Variants in ARFGEF1 observed in about 807,000 individuals in gnomAD.
ARFGEF1 encodes ARF guanine nucleotide exchange factor 1.
In ARFGEF1, 42 loss-of-function variants were observed where a neutral mutation model predicts 231.0. That is an observed-to-expected ratio of 0.18 (90% CI 0.14 to 0.24). ARFGEF1 has a LOEUF of 0.24. Ranked by LOEUF, ARFGEF1 falls within the 10% of genes least tolerant of loss-of-function variation. The pLI, the probability that ARFGEF1 is intolerant of heterozygous loss-of-function variation, is 1.00. For missense variants in ARFGEF1, 1,345 were observed against 2,192.0 expected, an observed-to-expected ratio of 0.61 and a Z score of 7.72; for synonymous variants, 710 against 732.3, an observed-to-expected ratio of 0.97 and a Z score of 0.49.
chr8:67,238,272 C>T, intron 22 of ARFGEF1, 71 bp downstream of exon 22: 1 of 1,390,356 alleles, frequency 7.2e-7, no homozygotes, highest in Non-Finnish European at 9.6e-7. Flanking sequence ...AATTATATTT[C>T]ATTACTACAA....
chr8:67,330,247 C>T (rs1808037790), intron 1 of ARFGEF1, among the ~76,000 whole-genome samples: 1 of 151,954 alleles, frequency 6.6e-6, no homozygotes. Context: ...TTAACTATTT[C>T]ATAAGGAAAA....
chr8:67,252,158 G>A (rs1008527641), intron 18 of ARFGEF1, among the ~76,000 whole-genome samples: 7 of 152,010 alleles, frequency 4.6e-5, no homozygotes, highest in Admixed American at 2.6e-4. Flanking sequence ...TGTAATCCCA[G>A]CTACTCGGGA....
intron 1 of ARFGEF1, among the ~76,000 whole-genome samples, chr8:67,310,567 G>A (rs1806960471): frequency 6.6e-6 from 1 of 151,986 alleles, no homozygotes; most frequent in Admixed American, 6.5e-5. Flanking sequence ...CATCGTCTGG[G>A]ATGTGAGGAG....
At chr8:67,257,863 A>G (rs1399764419) in intron 16 of ARFGEF1, 47 bp from the exon 17 acceptor site, 6 of 1,477,698 alleles carry the variant, frequency 4.1e-6, no homozygotes, top group Non-Finnish European at 5.6e-6. Flanking sequence ...TGTTTTATAT[A>G]GTTTCATTTA....
intron 1 of ARFGEF1, among the ~76,000 whole-genome samples, chr8:67,316,786 G>A (rs2128924857): frequency 6.6e-6 from 1 of 152,214 alleles, no homozygotes; most frequent in East Asian, 1.9e-4. Flanking sequence ...TAAGAATCTG[G>A]TTGGTCTTTG....
At position 67,218,187 on chromosome 8, in the gene ARFGEF1, T is replaced by C. The variant is rs201239105; in HGVS notation, c.4339-49A>G. ...ACATCACGCCATTAATCAACTACTA[T>C]GATTAAAAAAAAAAAAAAAAATATA... On this transcript the variant is annotated intron_variant, in intron 30 of 38. Coordinates refer to ENST00000262215, the MANE Select transcript of ARFGEF1 (RefSeq NM_006421.5). 145 of 626,056 alleles carry C rather than the reference T, an allele frequency of 2.3e-4. No individual in the cohort carries two copies. In the African/African-American group the frequency reaches 5.0e-3, roughly 22 times the overall value. The allele number at this position is 626,056 out of a possible 1,614,324, so 38.8% of individuals were successfully genotyped here. A position where few individuals can be genotyped will look rare whatever the true frequency, so the allele number is the denominator to read the frequency against.
At chr8:67,214,042 G>C (rs1209005111) in intron 33 of ARFGEF1, among the ~76,000 whole-genome samples, 1 of 152,196 alleles carries the variant, frequency 6.6e-6, no homozygotes, top group Non-Finnish European at 1.5e-5. Context: ...AGAGTTCTGA[G>C]ACACATGATA....
At chr8:67,274,744 A>C (rs2128898489) in intron 9 of ARFGEF1, among the ~76,000 whole-genome samples, 1 of 152,296 alleles carries the variant, frequency 6.6e-6, no homozygotes, top group Admixed American at 6.5e-5. Context: ...AATGGTCAAT[A>C]ACATTTTTAA....
rs149426778 is a variant in ARFGEF1 at position 67,249,492 on chromosome 8, T to C, written c.2850+1807A>G. On this transcript the variant is annotated intron_variant, in intron 19 of 38. Transcript: ENST00000262215. ...AAGTCTGCACACAGATAGGCAGATATACAGATAGACAGACGGATAGATAAA... is the reference window on the plus strand; with the variant it reads ...AAGTCTGCACACAGATAGGCAGATACACAGATAGACAGACGGATAGATAAA... 3.0e-3 allele frequency among the ~76,000 whole-genome samples: 451 copies of C among 150,564 alleles called. 46 individuals carry two copies. Among genetic ancestry groups the C allele is most frequent in the African/African-American group, 0.011 (439 of 40,372 alleles).
At chr8:67,309,086 C>T (rs1806875734) in intron 1 of ARFGEF1, among the ~76,000 whole-genome samples, 1 of 152,080 alleles carries the variant, frequency 6.6e-6, no homozygotes, top group African/African-American at 2.4e-5. Flanking sequence ...GAAGGAAATC[C>T]TGTCATTTGC....
At chr8:67,208,922 G>A (rs1838620774) in intron 34 of ARFGEF1, among the ~76,000 whole-genome samples, 1 of 152,170 alleles carries the variant, frequency 6.6e-6, no homozygotes, top group Admixed American at 6.5e-5. Context: ...CACTAGAATG[G>A]TTATCATTTA....
At chr8:67,324,724 G>A (rs989706928) in intron 1 of ARFGEF1, among the ~76,000 whole-genome samples, 1 of 152,128 alleles carries the variant, frequency 6.6e-6, no homozygotes, top group Non-Finnish European at 1.5e-5. Context: ...GTGTTCCCTA[G>A]TTTCCCTAGT....
At chr8:67,263,416 C>T (rs181719884) in intron 14 of ARFGEF1, among the ~76,000 whole-genome samples, 2 of 152,322 alleles carry the variant, frequency 1.3e-5, no homozygotes, top group East Asian at 1.9e-4. Flanking sequence ...TACTCCTCTG[C>T]TTAAAGTCCT....
At chr8:67,195,795 G>GATT, downstream of ARFGEF1, 2 of 535,588 alleles carry the variant, frequency 3.7e-6, no homozygotes, top group Non-Finnish European at 6.7e-6. Context: ...GAATTGTATA[G>GATT]ATTATTTTTG....
intron 1 of ARFGEF1, among the ~76,000 whole-genome samples, chr8:67,313,529 C>T (rs113523978): frequency 4.6e-5 from 7 of 152,222 alleles, no homozygotes; most frequent in African/African-American, 1.2e-4. Flanking sequence ...TCCTGTGAGC[C>T]GAACTGCAGT....
intron 19 of ARFGEF1, among the ~76,000 whole-genome samples, chr8:67,241,039 T>C (rs1032936979): frequency 1.1e-4 from 16 of 152,150 alleles, no homozygotes; most frequent in African/African-American, 3.9e-4. Context: ...AAAAACTATA[T>C]AGCCATATAG....
At chr8:67,312,540 C>A (rs535900187) in intron 1 of ARFGEF1, among the ~76,000 whole-genome samples, 1 of 151,936 alleles carries the variant, frequency 6.6e-6, no homozygotes, top group Non-Finnish European at 1.5e-5. Context: ...AAAAAACAAA[C>A]AAACCTGTCA....
chr8:67,195,679 C>T, downstream of ARFGEF1: 3 of 1,183,720 alleles, frequency 2.5e-6, no homozygotes, highest in Non-Finnish European at 3.6e-6. Context: ...CTTTTGGCCC[C>T]TACCTGAAAG....
intron 1 of ARFGEF1, among the ~76,000 whole-genome samples, chr8:67,335,939 C>T (rs1355853523): frequency 4.6e-5 from 7 of 151,810 alleles, no homozygotes; most frequent in African/African-American, 1.5e-4. Flanking sequence ...TTAGTAGAGA[C>T]GGAGTTTCAC....
Sources: gnomAD v4.1 joint callset for allele counts (sites outside exome capture counted in the v4.1 genomes callset) on GRCh38, gnomAD v4.1.1 for gene constraint, MANE v1.5 for transcripts, NCBI Gene and HGNC (gene_info 2026-07-23, HGNC 2026-07-21) for gene names.